TRARG1: variants seen among roughly 807,000 people sequenced by gnomAD.
TRARG1 encodes the protein trafficking regulator of GLUT4 (SLC2A4) 1 (gene/pseudogene), also known as trafficking regulator of GLUT4 1.
A neutral mutation model predicts 13.3 loss-of-function variants in TRARG1; 16 were observed. The ratio of observed to expected loss-of-function variants is 1.20; its 90% CI spans 0.81 to 1.83. The LOEUF (loss-of-function observed/expected upper bound fraction) is 1.83. Ranked by LOEUF, TRARG1 falls within the 40% of genes most tolerant of loss-of-function variation. The pLI, the probability that TRARG1 is intolerant of heterozygous loss-of-function variation, is 0.00. For missense variants in TRARG1, 250 were observed against 237.4 expected (o/e 1.05, Z -0.35); for synonymous variants, 113 against 106.2 (o/e 1.06, Z -0.39).
At position 1,284,191 on chromosome 17, in the gene TRARG1, T is replaced by C. The variant is rs370648480; in HGVS notation, c.387+3803T>C. On this transcript the variant is annotated intron_variant, in intron 1 of 2. Coordinates refer to ENST00000333813, the MANE Select transcript of TRARG1 (RefSeq NM_172367.3). ...CCCTTCAGCTGTCACTCTCCATCCC[T>C]GCCCCTCCCAGCCCTGAGCAACCAC... 1.3e-4 allele frequency among the ~76,000 whole-genome samples: 20 copies of C among 152,180 alleles called. 2 individuals carry two copies. The highest frequency in any genetic ancestry group is 4.8e-4 in the African/African-American group (20 of 41,544).
intron 1 of TRARG1, 53 bp downstream of exon 1, chr17:1,280,441 G>A: frequency 6.7e-7 from 1 of 1,503,174 alleles, no homozygotes; most frequent in Non-Finnish European, 8.9e-7. Context: ...GGGTCGGCAG[G>A]TGTTTCCCCC....
chr17:1,292,517 T>C (rs1022860079), intron 1 of TRARG1, among the ~76,000 whole-genome samples: 9 of 152,030 alleles, frequency 5.9e-5, no homozygotes, highest in Admixed American at 6.6e-5. Flanking sequence ...CCATCCTCCC[T>C]CCATCAGCCC....
chr17:1,294,074 T>C (rs2072093686), intron 1 of TRARG1, among the ~76,000 whole-genome samples: 1 of 152,040 alleles, frequency 6.6e-6, no homozygotes, highest in African/African-American at 2.4e-5. Flanking sequence ...CCTCAAATAA[T>C]CAGAAAATAA....
Position 1,298,479 on chromosome 17 carries a change from T to C in TRARG1, c.*215T>C, listed in dbSNP as rs1406873262. ...AGGAAGGAAAGCACAGCGAACCCAA[T>C]GGGTAACGTGGTTTACTCTCCCGGA... On this transcript the variant is annotated 3_prime_UTR_variant, in exon 3 of 3. Coordinates refer to ENST00000333813, the MANE Select transcript of TRARG1 (RefSeq NM_172367.3). 3.9e-6 allele frequency: 2 copies of C among 511,334 alleles called. No individual in the cohort carries two copies. The highest frequency in any genetic ancestry group is 6.9e-6 in the Non-Finnish European group (2 of 289,428). 31.7% of individuals were successfully genotyped at this position (511,334 alleles called of 1,614,324 possible). A position where few individuals can be genotyped will look rare whatever the true frequency, so the allele number is the denominator to read the frequency against.
In TRARG1 at chr17:1,295,643, AGAG is replaced by A. The variant is rs1421748789; in HGVS notation, c.520+26_520+28del. 6.2e-7 allele frequency: 1 copy of A among 1,601,388 alleles called. No homozygotes were observed. Among genetic ancestry groups the A allele is most frequent in the African/African-American group, 1.3e-5 (1 of 74,608 alleles). On this transcript the variant is annotated intron_variant, in intron 2 of 2. Coordinates refer to ENST00000333813, the MANE Select transcript of TRARG1 (RefSeq NM_172367.3). The stretch of plus-strand genomic sequence containing the variant: ...TCACAGGTGAGACCCAGCTCCTTGG[AGAG>A]GAGGAAGCCAGCTTGCCTGGTGTGA...
intron 1 of TRARG1, among the ~76,000 whole-genome samples, chr17:1,284,104 G>A (rs112479961): frequency 0.036 from 5,340 of 149,668 alleles, 340 homozygotes; most frequent in African/African-American, 0.13. Context: ...GACAGAGCAA[G>A]ATTCTGTCTC....
At chr17:1,282,680 T>C (rs2071992366) in intron 1 of TRARG1, among the ~76,000 whole-genome samples, 3 of 150,648 alleles carry the variant, frequency 2.0e-5, no homozygotes, top group African/African-American at 4.9e-5. Context: ...GTTTCTATAT[T>C]CTTTAAAGGT....
chr17:1,291,180 G>A (rs562047729), intron 1 of TRARG1, among the ~76,000 whole-genome samples: 1 of 151,556 alleles, frequency 6.6e-6, no homozygotes, highest in African/African-American at 2.4e-5. Flanking sequence ...GTGTGATCTC[G>A]GCTCACTGCA....
At chr17:1,297,026 G>A (rs185327461) in intron 2 of TRARG1, among the ~76,000 whole-genome samples, 2 of 152,106 alleles carry the variant, frequency 1.3e-5, no homozygotes, top group African/African-American at 2.4e-5. Flanking sequence ...GGGGTCATCC[G>A]GGTCTGAACT....
Position 1,300,675 on chromosome 17 carries a change from CAGG to C in TRARG1, c.*2414_*2416del, listed in dbSNP as rs1207017717. 2 of 152,630 alleles carry C rather than the reference CAGG, an allele frequency of 1.3e-5. No individual in the cohort carries two copies. The highest frequency in any genetic ancestry group is 6.5e-5 in the Admixed American group (1 of 15,292). The allele number at this position is 152,630 out of a possible 1,614,324, so 9.5% of individuals were successfully genotyped here. ...AGGCGGAGGCCCGCAGAGCACAGAG[CAGG>C]AGAAGGGCTTGGGCCCTGGAGGAGA... On this transcript the variant is annotated 3_prime_UTR_variant, in exon 3 of 3. Transcript: ENST00000333813.
intron 1 of TRARG1, among the ~76,000 whole-genome samples, chr17:1,282,311 C>CGTATATATGTACGTATATGTACATATGT (rs2071988254): frequency 1.3e-5 from 2 of 150,684 alleles, no homozygotes; most frequent in Non-Finnish European, 3.0e-5. Flanking sequence ...TGTACATATG[C>CGTATATATGTACGTATATGTACATATGT]GTATATATGT....
At chr17:1,285,722 T>TGGGAA (rs1030523837) in intron 1 of TRARG1, among the ~76,000 whole-genome samples, 6 of 110,602 alleles carry the variant, frequency 5.4e-5, no homozygotes, top group East Asian at 5.1e-4. Context: ...ATCTAAAAAA[T>TGGGAA]GGGAAGGGAA....
intron 1 of TRARG1, among the ~76,000 whole-genome samples, chr17:1,284,972 A>G (rs1294768315): frequency 2.6e-5 from 4 of 151,684 alleles, no homozygotes; most frequent in Non-Finnish European, 4.4e-5. Flanking sequence ...GAGCCACCAC[A>G]CCCGGCTGAA....
intron 1 of TRARG1, among the ~76,000 whole-genome samples, chr17:1,291,192 C>T (rs960998662): frequency 6.6e-6 from 1 of 151,824 alleles, no homozygotes; most frequent in African/African-American, 2.4e-5. Context: ...CTCACTGCAA[C>T]TTCCGCCTCC....
At chr17:1,289,365 AGGTTCCCCATCCCCCACT>A (rs1469153733) in intron 1 of TRARG1, among the ~76,000 whole-genome samples, 1 of 2,616 alleles carries the variant, frequency 3.8e-4, no homozygotes, top group Non-Finnish European at 6.0e-4. Flanking sequence ...ATCCCCCACC[AGGTTCCCCATCCCCCACT>A]GGTTCCCCAT....
At chr17:1,282,073 T>TATACAC (rs552936636) in intron 1 of TRARG1, among the ~76,000 whole-genome samples, 1,932 of 150,990 alleles carry the variant, frequency 0.013, 27 homozygotes, top group Non-Finnish European at 0.02. Context: ...TATACACATA[T>TATACAC]ATACATATAT....
chr17:1,290,374 C>T (rs1027558278), intron 1 of TRARG1, among the ~76,000 whole-genome samples: 5 of 152,208 alleles, frequency 3.3e-5, no homozygotes, highest in Non-Finnish European at 7.3e-5. Flanking sequence ...CAGCTCACTG[C>T]AGCCTCCGCC....
intron 1 of TRARG1, among the ~76,000 whole-genome samples, chr17:1,288,366 C>CCCCATCCCCCATGGGT (rs2072039711): frequency 7.0e-5 from 4 of 56,890 alleles, no homozygotes; most frequent in African/African-American, 3.2e-4. Context: ...CCCCCATGGG[C>CCCCATCCCCCATGGGT]TCCCCATCCC....
intron 1 of TRARG1, among the ~76,000 whole-genome samples, chr17:1,288,237 A>G (rs1275674329): frequency 2.0e-5 from 2 of 99,100 alleles, no homozygotes; most frequent in African/African-American, 4.0e-5. Flanking sequence ...ATCCCCCACC[A>G]GCTCCCCATC....
Sources: allele counts gnomAD v4.1 joint callset (sites outside exome capture counted in the v4.1 genomes callset), GRCh38; gene constraint gnomAD v4.1.1; transcripts MANE v1.5; gene names NCBI Gene and HGNC (gene_info 2026-07-23, HGNC 2026-07-21).